The following KIAA0930 variants were observed in gnomAD, a reference collection of about 807,000 sequenced individuals.
The protein encoded by KIAA0930 is KIAA0930.
KIAA0930 carries 24 observed loss-of-function variants against 43.9 expected under a neutral mutation model. The ratio of observed to expected loss-of-function variants is 0.55; its 90% CI spans 0.40 to 0.77. The LOEUF is 0.77. KIAA0930 is among the 30% of genes least tolerant of loss of function. KIAA0930 has a pLI of 0.00. For missense variants in KIAA0930, 461 were observed against 574.2 expected, an observed-to-expected ratio of 0.80 and a Z score of 2.02; for synonymous variants, 259 against 216.4, an observed-to-expected ratio of 1.20 and a Z score of -1.73.
chr22:45,223,266 T>A (rs755690359), intron 1 of KIAA0930, among the ~76,000 whole-genome samples: 5 of 152,164 alleles, frequency 3.3e-5, no homozygotes, highest in Non-Finnish European at 7.4e-5. Flanking sequence ...TTCTCTAGAA[T>A]AAATGAAGCA....
chr22:45,193,614 A>C lies in KIAA0930; in HGVS notation c.*3562T>G, dbSNP rs1185917534. On this transcript the variant is annotated 3_prime_UTR_variant, in exon 10 of 10. Coordinates refer to ENST00000336156, the MANE Select transcript of KIAA0930 (RefSeq NM_001009880.2). ...GGAAGACTAACTCACAGTCCATAAG[A>C]ATCCAAAAGTGAGCGGCGACTTCAC... 1 of 152,172 alleles carries C rather than the reference A, an allele frequency of 6.6e-6. No individual in the cohort carries two copies. The highest frequency in any genetic ancestry group is 1.9e-4 in the East Asian group (1 of 5,188). The allele number at this position is 152,172 out of a possible 1,614,324, so 9.4% of individuals were successfully genotyped here. A position where few individuals can be genotyped will look rare whatever the true frequency, so the allele number is the denominator to read the frequency against.
intron 2 of KIAA0930, among the ~76,000 whole-genome samples, chr22:45,209,252 A>C (rs1010473272): frequency 6.6e-6 from 1 of 152,154 alleles, no homozygotes; most frequent in Admixed American, 6.5e-5. Context: ...AGGCTCCCGC[A>C]GAGGACTTGC....
At chr22:45,216,973 G>C (rs1479015801) in intron 1 of KIAA0930, among the ~76,000 whole-genome samples, 2 of 152,192 alleles carry the variant, frequency 1.3e-5, no homozygotes, top group Admixed American at 1.3e-4. Context: ...GACCCACTGG[G>C]TCCTAAGGCA....
At chr22:45,223,490 G>C (rs772098021) in intron 1 of KIAA0930, among the ~76,000 whole-genome samples, 10 of 152,110 alleles carry the variant, frequency 6.6e-5, no homozygotes, top group Non-Finnish European at 1.3e-4. Context: ...AGTAACAATG[G>C]TATCTACCTC....
At chr22:45,204,585 C>A (rs116759769) in intron 5 of KIAA0930, among the ~76,000 whole-genome samples, 1 of 152,186 alleles carries the variant, frequency 6.6e-6, no homozygotes, top group Non-Finnish European at 1.5e-5. Context: ...GACGCCCACG[C>A]CTTCCTCCTA....
intron 1 of KIAA0930, chr22:45,226,157 G>A: frequency 2.3e-6 from 1 of 437,168 alleles, no homozygotes; most frequent in South Asian, 1.7e-5. Flanking sequence ...CTCACCCTCA[G>A]CTGCTGGCAG....
chr22:45,205,146 CG>C (rs2083624876), intron 5 of KIAA0930, 70 bp downstream of exon 5: 1 of 1,287,670 alleles, frequency 7.8e-7, no homozygotes, highest in Non-Finnish European at 1.1e-6. Context: ...GCTAAGGCCG[CG>C]GGGAGAAGCG....
At chr22:45,205,978 A>G (rs1427467296) in intron 2 of KIAA0930, 66 bp from the exon 3 acceptor site, 5 of 1,589,242 alleles carry the variant, frequency 3.1e-6, no homozygotes, top group Non-Finnish European at 4.3e-6. Context: ...TTCCCTGACT[A>G]CTATGCAGGC....
At position 45,203,080 on chromosome 22, in the gene KIAA0930, G is replaced by A. The variant is rs142644672; in HGVS notation, c.762C>T (p.Ala254=). ...RMKGPQGKGH[A]EMAVSRVSTG... ...TAGACACTCGGCTGACCGCCATCTC[G>A]GCGTGGCCCTTGCCCTGGGGGCCCT... Residue 254 remains alanine, a synonymous_variant, in exon 7 of 10, where the codon GCC becomes GCT. Transcript: ENST00000336156. The A allele has an allele frequency of 1.6e-5, 26 of 1,613,808 alleles. No homozygotes were observed. In the African/African-American group the frequency reaches 2.5e-4, roughly 16 times the overall value.
chr22:45,205,909 C>G lies in KIAA0930; in HGVS notation c.220G>C (p.Ala74Pro). 6.2e-7 allele frequency: 1 copy of G among 1,613,054 alleles called. No individual in the cohort carries two copies. Among genetic ancestry groups the G allele is most frequent in the African/African-American group, 1.3e-5 (1 of 75,046 alleles). The change falls in exon 3 of 10, where the codon GCT (alanine) becomes CCT (proline). Residue 74 changes from alanine to proline, a missense_variant. Physicochemically the swap from Ala to Pro is conservative, Grantham distance 27. Coordinates refer to ENST00000336156, the MANE Select transcript of KIAA0930 (RefSeq NM_001009880.2). ...SESGADGRKA[A>P]EPEVEVEVYR... ...ACCTCCACCTCCACCTCAGGCTCAG[C>G]TGCCTGCGAGGCCCAGAGCAGAAGT...
At chr22:45,220,890 C>G (rs1193914281) in intron 1 of KIAA0930, among the ~76,000 whole-genome samples, 1 of 152,010 alleles carries the variant, frequency 6.6e-6, no homozygotes, top group East Asian at 1.9e-4. Flanking sequence ...CCCCCCAACC[C>G]CACCCACTTC....
chr22:45,228,616 G>A (rs539744252), intron 1 of KIAA0930, among the ~76,000 whole-genome samples: 2 of 152,140 alleles, frequency 1.3e-5, no homozygotes, highest in Admixed American at 6.5e-5. Context: ...CTCAGGCAGG[G>A]CCCTGTGTGG....
At chr22:45,206,573 C>A (rs2083640072) in intron 2 of KIAA0930, among the ~76,000 whole-genome samples, 1 of 152,204 alleles carries the variant, frequency 6.6e-6, no homozygotes, top group African/African-American at 2.4e-5. Context: ...TTTAAAGCAA[C>A]CCTGCAATGC....
At chr22:45,225,721 C>G (rs1286795750) in intron 1 of KIAA0930, among the ~76,000 whole-genome samples, 1 of 152,214 alleles carries the variant, frequency 6.6e-6, no homozygotes, top group Non-Finnish European at 1.5e-5. Flanking sequence ...CCTTACCACC[C>G]CACCCCAGCA....
intron 2 of KIAA0930, among the ~76,000 whole-genome samples, chr22:45,209,825 C>T (rs534345090): frequency 2.8e-4 from 42 of 152,130 alleles, no homozygotes; most frequent in Non-Finnish European, 3.4e-4. Context: ...CACCTGCTCC[C>T]GTGGGACTCA....
chr22:45,203,437 T>A (rs1056812569), intron 6 of KIAA0930, among the ~76,000 whole-genome samples: 2 of 152,096 alleles, frequency 1.3e-5, no homozygotes, highest in Non-Finnish European at 2.9e-5. Flanking sequence ...GCAGCAAGGC[T>A]GGCTGCGGAT....
intron 1 of KIAA0930, chr22:45,226,184 G>C (rs1324963084): frequency 2.2e-6 from 1 of 455,276 alleles, no homozygotes; most frequent in Non-Finnish European, 4.6e-6. Flanking sequence ...CTTTATTCAT[G>C]GGCCTGTCTT....
At chr22:45,205,432 G>C (rs2083627775) in intron 4 of KIAA0930, 114 bp from the exon 5 acceptor site, 1 of 969,634 alleles carries the variant, frequency 1.0e-6, no homozygotes, top group African/African-American at 1.6e-5. Context: ...CAAAGCCAGA[G>C]ACCTACCAGG....
Position 45,192,899 on chromosome 22 carries a change from T to C in KIAA0930, c.*4277A>G, listed in dbSNP as rs2083502015. On this transcript the variant is annotated 3_prime_UTR_variant, in exon 10 of 10. Transcript: ENST00000336156. The stretch of plus-strand genomic sequence containing the variant: ...TCAGGGGTCCTTTTGCCACTGAGGA[T>C]CAAGCCAGCCAGTGAAAAAGAAAAA... 6.6e-6 allele frequency: 1 copy of C among 151,872 alleles called. No individual in the cohort carries two copies. Among genetic ancestry groups the C allele is most frequent in the Non-Finnish European group, 1.5e-5 (1 of 67,946 alleles). 9.4% of individuals were successfully genotyped at this position (151,872 alleles called of 1,614,324 possible).
Sources: gnomAD v4.1 joint callset for allele counts (sites outside exome capture counted in the v4.1 genomes callset) on GRCh38, gnomAD v4.1.1 for gene constraint, MANE v1.5 for transcripts, NCBI Gene and HGNC (gene_info 2026-07-23, HGNC 2026-07-21) for gene names.